Variants in HOXA3 observed in about 807,000 individuals in gnomAD.
HOXA3 encodes the protein homeobox protein Hox-A3.
In HOXA3, 8 loss-of-function variants were observed where a neutral mutation model predicts 30.3. The ratio of observed to expected loss-of-function variants is 0.26; its 90% confidence interval spans 0.15 to 0.48. The LOEUF (loss-of-function observed/expected upper bound fraction) is 0.48. Among genes scored for constraint, HOXA3 ranks in the 20% least tolerant of loss-of-function variants. HOXA3 has a pLI of 0.99. For missense variants in HOXA3, 653 were observed against 614.4 expected, an observed-to-expected ratio of 1.06 and a Z score of -0.66; for synonymous variants, 323 against 273.1, an observed-to-expected ratio of 1.18 and a Z score of -1.80.
chr7:27,112,364 G>A (rs368598869), intron 4 of HOXA3, among the ~76,000 whole-genome samples: 68 of 152,280 alleles, frequency 4.5e-4, no homozygotes, highest in Admixed American at 1.4e-3. Context: ...GCATCTACCA[G>A]TAGATGATTA....
chr7:27,118,365 C>T (rs952795178), intron 4 of HOXA3, among the ~76,000 whole-genome samples: 13 of 152,188 alleles, frequency 8.5e-5, no homozygotes, highest in Non-Finnish European at 1.5e-4. Context: ...TCTGGGTCTC[C>T]GCTCCAAATG....
intron 4 of HOXA3, among the ~76,000 whole-genome samples, chr7:27,117,267 C>G (rs1583381693): frequency 6.6e-6 from 1 of 152,224 alleles, no homozygotes; most frequent in Non-Finnish European, 1.5e-5. Context: ...GGACTTCCCT[C>G]CAACCCAGGG....
Position 27,108,318 on chromosome 7 carries a change from G to C in HOXA3, c.929C>G (p.Ala310Gly). 1 of 1,518,632 alleles carries C rather than the reference G, an allele frequency of 6.6e-7. No individual in the cohort carries two copies. The highest frequency in any genetic ancestry group is 8.9e-7 in the Non-Finnish European group (1 of 1,126,200). 94.1% of individuals were successfully genotyped at this position (1,518,632 alleles called of 1,614,324 possible). A position where few individuals can be genotyped will look rare whatever the true frequency, so the allele number is the denominator to read the frequency against. The change falls in exon 6 of 6, where the codon GCC (alanine) becomes GGC (glycine). Residue 310 changes from alanine (A) to glycine (G), a missense_variant. By Grantham distance (60) the Ala-to-Gly change is moderately conservative (BLOSUM62 0). Around this residue, in one of 3 missense-constraint regions of HOXA3, gnomAD observed 330 missense variants for 274.4 expected, o/e 1.20. Coordinates refer to ENST00000612286, the MANE Select transcript of HOXA3 (RefSeq NM_153631.3). This position sits in a 1 kb window ranked among gnomAD's most constrained non-coding sequence, Gnocchi z 5.0. ...GCTGGGCAGGGACGCAGGGTAGGAGGCGGGGGGCAGCCCGTAGGTACCCTG... is the reference window on the plus strand; with the variant it reads ...GCTGGGCAGGGACGCAGGGTAGGAGCCGGGGGGCAGCCCGTAGGTACCCTG... ...PPQGTYGLPP[A>G]SYPASLPSCA...
chr7:27,111,908 A>C (rs1241831503), intron 4 of HOXA3, among the ~76,000 whole-genome samples: 1 of 152,192 alleles, frequency 6.6e-6, no homozygotes. Flanking sequence ...CGAGGGATGG[A>C]AGCACAAGCC....
chr7:27,121,220 C>T (rs7811753), intron 4 of HOXA3: 10,995 of 137,922 alleles, frequency 0.08, 951 homozygotes, highest in African/African-American at 0.19. Flanking sequence ...CCACTGTGTG[C>T]GTGTGTGTGT....
intron 3 of HOXA3, chr7:27,123,831 G>A (rs1236637091): frequency 6.6e-6 from 1 of 152,272 alleles, no homozygotes; most frequent in East Asian, 1.9e-4. Flanking sequence ...TCGACCCGTA[G>A]CCCCCACAAA....
At chr7:27,139,971 C>A (rs1263735074) in intron 2 of HOXA3, 112 bp downstream of exon 2, 1 of 145,064 alleles carries the variant, frequency 6.9e-6, no homozygotes, top group Non-Finnish European at 1.5e-5. Context: ...TCTGCCTTTT[C>A]GAATTCAGAG....
chr7:27,125,745 C>T (rs1785254616), intron 3 of HOXA3, among the ~76,000 whole-genome samples: 1 of 152,198 alleles, frequency 6.6e-6, no homozygotes, highest in Admixed American at 6.5e-5. Context: ...AGGGGAAGCC[C>T]CAGGCTTTTT....
chr7:27,107,504 AT>A lies in HOXA3; in HGVS notation c.*410del, dbSNP rs1303324915. The A allele has an allele frequency of 1.2e-5, 1 of 85,218 alleles. No homozygotes were observed. The allele number at this position is 85,218 out of a possible 1,614,324, so 5.3% of individuals were successfully genotyped here. ...TTTCTCACTCTTTACAAGAAGTGCA[AT>A]TAAAAAAAAAATTTAAAATTAAAAA... On this transcript the variant is annotated 3_prime_UTR_variant, in exon 6 of 6. Coordinates refer to ENST00000612286, the MANE Select transcript of HOXA3 (RefSeq NM_153631.3).
At position 27,107,956 on chromosome 7, in the gene HOXA3, GAGA is replaced by G. The variant is rs1027934968; in HGVS notation, c.1288_1290del (p.Ser430del). 5.0e-6 allele frequency: 8 copies of G among 1,594,872 alleles called. No homozygotes were observed. The highest frequency in any genetic ancestry group is 6.9e-6 in the Non-Finnish European group (8 of 1,165,632). ...TTGGGTGCTTCCTGAATTCTTCCCT[GAGA>G]AGGATGGTGGCCGGTAAGGTCCGTG... is the stretch of plus-strand genomic sequence containing the variant. On this transcript the variant is annotated inframe_deletion, in exon 6 of 6. Coordinates refer to ENST00000612286, the MANE Select transcript of HOXA3 (RefSeq NM_153631.3).
chr7:27,128,187 A>G (rs1785363189), intron 2 of HOXA3: 2 of 152,266 alleles, frequency 1.3e-5, no homozygotes, highest in Non-Finnish European at 2.9e-5. Flanking sequence ...CATGGTTTCA[A>G]CTTTCATTGC....
At chr7:27,144,275 GAAAT>G (rs990770082) in intron 1 of HOXA3, among the ~76,000 whole-genome samples, 6 of 152,268 alleles carry the variant, frequency 3.9e-5, no homozygotes, top group Admixed American at 2.6e-4. Flanking sequence ...GCCAATTGGA[GAAAT>G]AAATCCTGCC....
At chr7:27,109,974 AC>A (rs1784267927) in intron 5 of HOXA3, 140 bp downstream of exon 5, 2 of 1,048,128 alleles carry the variant, frequency 1.9e-6, no homozygotes, top group Non-Finnish European at 2.8e-6. Context: ...GACTATGAAA[AC>A]CTTTTTGGTG....
intron 4 of HOXA3, among the ~76,000 whole-genome samples, chr7:27,114,817 A>ATATATATAATATATAT (rs1784586802): frequency 4.5e-5 from 1 of 22,456 alleles, no homozygotes; most frequent in African/African-American, 9.2e-5. Flanking sequence ...TAAAACATAC[A>ATATATATAATATATAT]TATATATATA....
rs116582213 is a variant in HOXA3, at chr7:27,109,861, C to A, written c.526+254G>T. On this transcript the variant is annotated intron_variant, in intron 5 of 5. Transcript: ENST00000612286. ...AGAGTGGAGCAAGAAGAGATTCCAA[C>A]TGCACTAGACCCTACTTGCCCTTGG... is the stretch of plus-strand genomic sequence containing the variant. Among the ~76,000 whole-genome samples, 540 of 152,368 alleles carry A rather than the reference C, an allele frequency of 3.5e-3. 6 individuals carry two copies. The highest frequency in any genetic ancestry group is 0.012 in the African/African-American group (505 of 41,586).
At chr7:27,139,765 CCA>C (rs1562726790) in intron 2 of HOXA3, among the ~76,000 whole-genome samples, 1 of 152,204 alleles carries the variant, frequency 6.6e-6, no homozygotes, top group Non-Finnish European at 1.5e-5. Flanking sequence ...TGCCAGGTCC[CCA>C]CACACAGGCC....
chr7:27,108,143 C>G lies in HOXA3; in HGVS notation c.1104G>C (p.Gly368=). ...PHIQGSPVFV[G]GSYVEPMSNS... ...TGCTCATGGGCTCCACATAGCTGCC[C>G]CCCACGAAGACGGGGCTTCCCTGTA... The change falls in exon 6 of 6, where the codon GGG becomes GGC. Residue 368 remains glycine, a synonymous_variant. Transcript: ENST00000612286. The surrounding 1 kb of genome is among the most constrained non-coding windows in gnomAD (Gnocchi z 5.0). 1.9e-6 allele frequency: 3 copies of G among 1,589,306 alleles called. No homozygotes were observed. The highest frequency in any genetic ancestry group is 2.6e-6 in the Non-Finnish European group (3 of 1,164,570).
intron 1 of HOXA3, chr7:27,143,194 G>A: frequency 6.2e-7 from 1 of 1,611,368 alleles, no homozygotes; most frequent in African/African-American, 1.3e-5. Context: ...CCTCTCTGCT[G>A]CTGATGTGGG....
intron 2 of HOXA3, chr7:27,128,573 ACAT>A (rs1178335510): frequency 6.6e-6 from 1 of 152,582 alleles, no homozygotes; most frequent in African/African-American, 2.4e-5. Flanking sequence ...CTATGTAGCC[ACAT>A]CACAATTTGT....
Sources: gnomAD v4.1 joint callset for allele counts (sites outside exome capture counted in the v4.1 genomes callset) on GRCh38, gnomAD v4.1.1 for gene constraint, gnomAD v4.1.1 regional missense constraint, Gnocchi (gnomAD v3.1) non-coding constraint, MANE v1.5 for transcripts, NCBI Gene and HGNC (gene_info 2026-07-23, HGNC 2026-07-21) for gene names.